The following METTL6 variants were observed in gnomAD, a reference collection of about 807,000 sequenced individuals.
METTL6 encodes tRNA N(3)-cytidine methyltransferase METTL6.
METTL6 carries 22 observed loss-of-function variants against 26.4 expected under a neutral mutation model. That is an observed-to-expected ratio of 0.83 (90% confidence interval 0.59 to 1.19). METTL6 has a LOEUF of 1.19. METTL6 is among the 50% of genes most tolerant of loss of function. The pLI is 0.00. For synonymous variants in METTL6, 109 were observed against 116.2 expected, an observed-to-expected ratio of 0.94 and a Z score of 0.40; for missense variants, 304 against 324.8, an observed-to-expected ratio of 0.94 and a Z score of 0.49.
At chr3:15,392,390 A>ATAT (rs951084455) in intron 6 of METTL6, among the ~76,000 whole-genome samples, 7 of 151,924 alleles carry the variant, frequency 4.6e-5, no homozygotes, top group African/African-American at 1.7e-4. Context: ...TAGATTCTGG[A>ATAT]TATTAGCCCT....
chr3:15,410,471 T>G lies in METTL6; in HGVS notation c.*785A>C, dbSNP rs6805196. 1.3e-5 allele frequency among the ~76,000 whole-genome samples: 2 copies of G among 151,846 alleles called. No homozygotes were observed. The highest frequency in any genetic ancestry group is 2.9e-5 in the Non-Finnish European group (2 of 67,958). ...GACTACAGGCACATGCCACCACATT[T>G]GGCTAATTTTTGTATTTTCTGTAGA... On this transcript the variant is annotated 3_prime_UTR_variant, in exon 6 of 6. Coordinates refer to ENST00000383790, the MANE Select transcript of METTL6 (RefSeq NM_152396.4).
At chr3:15,400,213 G>A (rs532493662) in intron 6 of METTL6, among the ~76,000 whole-genome samples, 3 of 152,044 alleles carry the variant, frequency 2.0e-5, no homozygotes, top group East Asian at 1.9e-4. Context: ...AATTTGTGCC[G>A]TGACCTCCTC....
intron 5 of METTL6, among the ~76,000 whole-genome samples, chr3:15,411,833 G>C (rs1699981106): frequency 6.6e-6 from 1 of 151,772 alleles, no homozygotes; most frequent in Non-Finnish European, 1.5e-5. Flanking sequence ...CACGATCTCG[G>C]CTCACTGCAA....
chr3:15,406,586 TTATATA>T (rs57272118), downstream of METTL6, among the ~76,000 whole-genome samples: 282 of 17,848 alleles, frequency 0.016, 1 homozygote, highest in Admixed American at 0.022. Context: ...AAACAAACAG[TTATATA>T]TATATATATA....
chr3:15,393,500 C>A (rs1490438421), intron 6 of METTL6, among the ~76,000 whole-genome samples: 1 of 152,148 alleles, frequency 6.6e-6, no homozygotes, highest in Non-Finnish European at 1.5e-5. Context: ...CTTTCTCCTG[C>A]CTGATTTCCC....
At position 15,414,343 on chromosome 3, in the gene METTL6, A is replaced by G. The variant is rs928891046; in HGVS notation, c.532-181T>C. The G allele has an allele frequency of 1.0e-5, 14 of 1,372,490 alleles. No homozygotes were observed. In the African/African-American group the frequency reaches 2.1e-4, roughly 21 times the overall value. 85.0% of individuals were successfully genotyped at this position (1,372,490 alleles called of 1,614,324 possible). ...TAGTAAGACCAGGCAGGGCTCCATA[A>G]CACTAAGACACTTCTTTTTTTTTTT... On this transcript the variant is annotated intron_variant, in intron 4 of 5. Transcript: ENST00000383790.
Position 15,414,173 on chromosome 3 carries a change from A to G in METTL6, c.532-11T>C. The G allele has an allele frequency of 6.2e-7, 1 of 1,600,984 alleles. No homozygotes were observed. Among genetic ancestry groups the G allele is most frequent in the South Asian group, 1.1e-5 (1 of 88,084 alleles). On this transcript the variant is annotated splice_polypyrimidine_tract_variant and intron_variant, in intron 4 of 5. Coordinates refer to ENST00000383790, the MANE Select transcript of METTL6 (RefSeq NM_152396.4). The stretch of plus-strand genomic sequence containing the variant: ...GCCTGGTTTTAATACCTATGAAACA[A>G]AAGCAGGCTGAACATGACTTTGGAG...
At chr3:15,402,279 C>G (rs568968787) in intron 6 of METTL6, among the ~76,000 whole-genome samples, 40 of 152,206 alleles carry the variant, frequency 2.6e-4, no homozygotes, top group African/African-American at 9.1e-4. Flanking sequence ...TAGGGTTTTT[C>G]AAGGATAGTT....
At position 15,411,457 on chromosome 3, in the gene METTL6, A is replaced by G; in HGVS notation, c.674-20T>C. On this transcript the variant is annotated intron_variant, in intron 5 of 5. Coordinates refer to ENST00000383790, the MANE Select transcript of METTL6 (RefSeq NM_152396.4). Reference sequence around the variant, plus strand: ...GGAAGTCTGTAAGACAAGCATCAACAATGCTCAACAGTCTTCATAACATTA... The same window carrying G: ...GGAAGTCTGTAAGACAAGCATCAACGATGCTCAACAGTCTTCATAACATTA... 6.2e-7 allele frequency: 1 copy of G among 1,610,196 alleles called. No individual in the cohort carries two copies. Among genetic ancestry groups the G allele is most frequent in the Non-Finnish European group, 8.5e-7 (1 of 1,178,146 alleles).
At chr3:15,406,566 GA>G (rs547902420), downstream of METTL6, among the ~76,000 whole-genome samples, 81 of 87,012 alleles carry the variant, frequency 9.3e-4, no homozygotes, top group African/African-American at 2.3e-3. Flanking sequence ...ACCCAGCCAT[GA>G]AAAAAAAAAA....
chr3:15,415,881 T>A lies in METTL6; in HGVS notation c.422A>T (p.Asp141Val). ...CTCTGGCGGTACATGATCCAGAAGA[T>A]CATCTTTAGTCAGATCACACTGGAA... Reference protein sequence around the residue: ...KVFQCDLTKDDLLDHVPPESV... With the variant: ...KVFQCDLTKDVLLDHVPPESV... Residue 141 changes from aspartate (D) to valine (V), a missense_variant, in exon 4 of 6, where the codon GAT (aspartate) becomes GTT (valine). By Grantham distance (152) the Asp-to-Val change is radical. Transcript: ENST00000383790. The A allele has an allele frequency of 6.2e-7, 1 of 1,614,150 alleles. No individual in the cohort carries two copies. The highest frequency in any genetic ancestry group is 8.5e-7 in the Non-Finnish European group (1 of 1,180,014).
intron 6 of METTL6, among the ~76,000 whole-genome samples, chr3:15,396,809 T>C (rs1312205364): frequency 6.6e-6 from 1 of 152,192 alleles, no homozygotes; most frequent in Admixed American, 6.5e-5. Flanking sequence ...TGGATATTGG[T>C]GAACAGAAAA....
At chr3:15,424,853 C>T (rs2061682990) in intron 3 of METTL6, 102 bp downstream of exon 3, 1 of 1,502,238 alleles carries the variant, frequency 6.7e-7, no homozygotes, top group Non-Finnish European at 9.2e-7. Flanking sequence ...AGCTGGTTAG[C>T]TCCAGGGAAG....
downstream of METTL6, among the ~76,000 whole-genome samples, chr3:15,407,645 C>A (rs994577416): frequency 1.3e-5 from 2 of 152,202 alleles, no homozygotes; most frequent in African/African-American, 4.8e-5. Context: ...TGATGGAAAA[C>A]TGACCGAAGG....
At chr3:15,402,735 C>CAAA (rs548363790) in intron 6 of METTL6, among the ~76,000 whole-genome samples, 15 of 57,700 alleles carry the variant, frequency 2.6e-4, no homozygotes, top group Admixed American at 5.8e-4. Flanking sequence ...GATTCCATCT[C>CAAA]AAAAAAAAAA....
chr3:15,400,566 G>A (rs1699613050), intron 6 of METTL6, among the ~76,000 whole-genome samples: 1 of 152,172 alleles, frequency 6.6e-6, no homozygotes, highest in South Asian at 2.1e-4. Flanking sequence ...AGCTCATGGT[G>A]GGTAGGAATC....
At chr3:15,415,625 G>A (rs767335296) in intron 4 of METTL6, 147 bp downstream of exon 4, 1 of 1,608,882 alleles carries the variant, frequency 6.2e-7, no homozygotes, top group Non-Finnish European at 8.5e-7. Flanking sequence ...TATGCCAGAG[G>A]ACCCCTTTCT....
intron 6 of METTL6, among the ~76,000 whole-genome samples, chr3:15,403,795 T>C (rs940146058): frequency 5.9e-5 from 9 of 152,208 alleles, no homozygotes; most frequent in Non-Finnish European, 1.2e-4. Flanking sequence ...CTCAACAGAG[T>C]AGCCCCAAGG....
chr3:15,400,575 T>C (rs946070805), intron 6 of METTL6, among the ~76,000 whole-genome samples: 2 of 152,208 alleles, frequency 1.3e-5, no homozygotes, highest in African/African-American at 4.8e-5. Context: ...TGGGTAGGAA[T>C]CTCACAGGTT....
Sources: allele counts gnomAD v4.1 joint callset (sites outside exome capture counted in the v4.1 genomes callset), GRCh38; gene constraint gnomAD v4.1.1; transcripts MANE v1.5; gene names NCBI Gene and HGNC (gene_info 2026-07-23, HGNC 2026-07-21).